The following KHDRBS2 variants were observed in gnomAD, a reference collection of about 807,000 sequenced individuals.
The protein encoded by KHDRBS2 is KH RNA binding domain containing, signal transduction associated 2, also known as KH domain-containing, RNA-binding, signal transduction-associated protein 2.
A neutral mutation model predicts 44.3 loss-of-function variants in KHDRBS2; 26 were observed. The ratio of observed to expected loss-of-function variants is 0.59; its 90% CI spans 0.43 to 0.81. The LOEUF is 0.81. KHDRBS2 is among the 40% of genes least tolerant of loss of function. The pLI, the probability that KHDRBS2 is intolerant of heterozygous loss-of-function variation, is 0.00. For synonymous variants in KHDRBS2, 194 were observed against 151.1 expected, an observed-to-expected ratio of 1.28 and a Z score of -2.08; for missense variants, 476 against 433.1, an observed-to-expected ratio of 1.10 and a Z score of -0.88.
At chr6:61,720,995 A>G (rs1772392048) in intron 7 of KHDRBS2, among the ~76,000 whole-genome samples, 2 of 151,046 alleles carry the variant, frequency 1.3e-5, no homozygotes. Context: ...CTTTCTACAT[A>G]TGGCTAGCCA....
intron 1 of KHDRBS2, among the ~76,000 whole-genome samples, chr6:62,267,709 A>T (rs1839425062): frequency 6.6e-6 from 1 of 152,038 alleles, no homozygotes; most frequent in South Asian, 2.1e-4. Context: ...CAGAGATTTT[A>T]TTCTCTCCTA....
intron 7 of KHDRBS2, among the ~76,000 whole-genome samples, chr6:61,706,183 C>T (rs906855840): frequency 2.0e-5 from 3 of 151,816 alleles, no homozygotes; most frequent in African/African-American, 7.2e-5. Context: ...CCTGTGTACT[C>T]TCCCTTTCAC....
chr6:61,908,023 A>T (rs1457434168), intron 4 of KHDRBS2, among the ~76,000 whole-genome samples: 2 of 152,198 alleles, frequency 1.3e-5, no homozygotes, highest in Admixed American at 1.3e-4. Flanking sequence ...GTCATACAAC[A>T]CATATGAATG....
chr6:62,105,370 G>A (rs979893628), intron 2 of KHDRBS2, among the ~76,000 whole-genome samples: 1 of 152,156 alleles, frequency 6.6e-6, no homozygotes, highest in Non-Finnish European at 1.5e-5. Context: ...CAAAATTTTA[G>A]TTAATAGGAA....
intron 8 of KHDRBS2, among the ~76,000 whole-genome samples, chr6:61,687,831 C>A (rs1197220848): frequency 1.3e-5 from 2 of 151,772 alleles, no homozygotes; most frequent in Non-Finnish European, 2.9e-5. Context: ...GTGCCAAGAA[C>A]AATATTCCAG....
intron 3 of KHDRBS2, among the ~76,000 whole-genome samples, chr6:62,036,184 C>T (rs111457403): frequency 1.3e-3 from 195 of 151,878 alleles, no homozygotes; most frequent in African/African-American, 3.7e-3. Context: ...TTGACTTAGG[C>T]ACCCTGAGTA....
the KHDRBS2 span, among the ~76,000 whole-genome samples, chr6:61,640,860 A>T: frequency 6.6e-6 from 1 of 152,176 alleles, no homozygotes; most frequent in Non-Finnish European, 1.5e-5. Flanking sequence ...GATGGCATTC[A>T]AAGGCAGAAA....
At chr6:62,101,799 C>T (rs1283499388) in intron 2 of KHDRBS2, among the ~76,000 whole-genome samples, 1 of 152,122 alleles carries the variant, frequency 6.6e-6, no homozygotes, top group Non-Finnish European at 1.5e-5. Flanking sequence ...TTCTTAAAGA[C>T]CTAAAATTCA....
chr6:62,254,090 C>A (rs1252463239), intron 1 of KHDRBS2, among the ~76,000 whole-genome samples: 1 of 151,978 alleles, frequency 6.6e-6, no homozygotes. Context: ...AAAGTAGGAA[C>A]AGTGTTGAAA....
intron 2 of KHDRBS2, among the ~76,000 whole-genome samples, chr6:62,076,812 A>T (rs1796426649): frequency 1.3e-5 from 2 of 152,142 alleles, no homozygotes; most frequent in East Asian, 3.9e-4. Flanking sequence ...GAGGCCACTG[A>T]GTTGGTAGGA....
At chr6:61,938,845 G>T (rs1414577123) in intron 4 of KHDRBS2, among the ~76,000 whole-genome samples, 1 of 152,026 alleles carries the variant, frequency 6.6e-6, no homozygotes, top group East Asian at 1.9e-4. Context: ...TGGTTCTATA[G>T]TTTCTGGCTG....
chr6:61,845,823 G>A (rs192135610), intron 6 of KHDRBS2, among the ~76,000 whole-genome samples: 1 of 152,132 alleles, frequency 6.6e-6, no homozygotes, highest in Non-Finnish European at 1.5e-5. Context: ...TACTACAATT[G>A]TAACTATCAT....
chr6:61,762,343 G>A (rs1779384914), intron 6 of KHDRBS2, among the ~76,000 whole-genome samples: 2 of 152,178 alleles, frequency 1.3e-5, no homozygotes, highest in Non-Finnish European at 2.9e-5. Flanking sequence ...ATTGTAGCCA[G>A]TAATATAGTT....
intron 2 of KHDRBS2, among the ~76,000 whole-genome samples, chr6:62,149,235 A>G (rs552393551): frequency 1.8e-4 from 27 of 152,186 alleles, no homozygotes; most frequent in African/African-American, 6.3e-4. Context: ...ATTGCACTCA[A>G]AGTTGCTTAT....
At chr6:61,759,854 G>A (rs1779022266) in intron 6 of KHDRBS2, among the ~76,000 whole-genome samples, 1 of 152,130 alleles carries the variant, frequency 6.6e-6, no homozygotes, top group African/African-American at 2.4e-5. Flanking sequence ...GAAAAGGATT[G>A]TTTCTTTCAG....
At chr6:61,622,747 T>A in the KHDRBS2 span, among the ~76,000 whole-genome samples, 3 of 152,024 alleles carry the variant, frequency 2.0e-5, no homozygotes. Context: ...AAACAGAGGA[T>A]TGTATTGCAT....
chr6:62,011,165 G>C (rs1299810996), intron 3 of KHDRBS2, among the ~76,000 whole-genome samples: 4 of 152,042 alleles, frequency 2.6e-5, no homozygotes, highest in Non-Finnish European at 5.9e-5. Context: ...TTCATCTTAA[G>C]GTTTTGCCTT....
chr6:61,867,590 T>C (rs1797971002), intron 6 of KHDRBS2, among the ~76,000 whole-genome samples: 1 of 152,250 alleles, frequency 6.6e-6, no homozygotes, highest in African/African-American at 2.4e-5. Flanking sequence ...TGTGGGCTTA[T>C]CTGCCTTCCA....
At chr6:62,090,766 AT>A (rs1184597035) in intron 2 of KHDRBS2, among the ~76,000 whole-genome samples, 3 of 151,956 alleles carry the variant, frequency 2.0e-5, no homozygotes, top group Non-Finnish European at 4.4e-5. Context: ...TTTAAGTGTA[AT>A]TTTTTTCCAA....
Sources: gnomAD v4.1 joint callset for allele counts (sites outside exome capture counted in the v4.1 genomes callset) on GRCh38, gnomAD v4.1.1 for gene constraint, MANE v1.5 for transcripts, NCBI Gene and HGNC (gene_info 2026-07-23, HGNC 2026-07-21) for gene names.